The following ACSL6 variants were observed in gnomAD, a reference collection of about 807,000 sequenced individuals.
ACSL6 encodes the protein acyl-CoA synthetase long chain family member 6.
Under a neutral mutation model 98.2 loss-of-function variants are expected in ACSL6, and 47 were observed. That is an observed-to-expected ratio of 0.48 (90% CI 0.38 to 0.61). The LOEUF is 0.61. Ranked by LOEUF, ACSL6 falls within the 20% of genes least tolerant of loss-of-function variation. The pLI is 0.00. For missense variants in ACSL6, 761 were observed against 913.4 expected (o/e 0.83, Z 2.15); for synonymous variants, 362 against 336.9 (o/e 1.07, Z -0.82).
rs187061123 is a variant in ACSL6 at position 132,005,807 on chromosome 5, G to C, written c.49+5698C>G. Reference sequence around the variant, plus strand: ...CTTGGAATCCACATCCTGCACTGGTGGGCCAGGCTGTGCTGAGAGTGAGGC... The same window carrying C: ...CTTGGAATCCACATCCTGCACTGGTCGGCCAGGCTGTGCTGAGAGTGAGGC... On this transcript the variant is annotated intron_variant, in intron 1 of 20. Coordinates refer to ENST00000651883, the MANE Select transcript of ACSL6 (RefSeq NM_001009185.3). Among the ~76,000 whole-genome samples the C allele has an allele frequency of 5.3e-5, 8 of 152,332 alleles. No homozygotes were observed. The East Asian group carries it at 1.5e-3, about 29-fold the overall frequency.
intron 16 of ACSL6, 139 bp from the exon 17 acceptor site, chr5:131,966,671 G>A: frequency 1.3e-6 from 1 of 754,384 alleles, no homozygotes; most frequent in South Asian, 1.6e-5. Context: ...GGAAACAGAG[G>A]ACAAGGAACA....
intron 3 of ACSL6, 56 bp downstream of exon 3, chr5:131,990,797 C>T (rs930375819): frequency 2.0e-6 from 3 of 1,535,892 alleles, no homozygotes; most frequent in African/African-American, 1.4e-5. Flanking sequence ...CACCCTTGCA[C>T]CCACTCCACC....
At chr5:132,010,424 G>C (rs1410776269) in intron 1 of ACSL6, among the ~76,000 whole-genome samples, 2 of 152,190 alleles carry the variant, frequency 1.3e-5, no homozygotes, top group Non-Finnish European at 2.9e-5. Context: ...TAAAAAAAGG[G>C]ATGGTGCCAC....
chr5:131,990,734 C>T (rs956087423), intron 3 of ACSL6, 119 bp downstream of exon 3: 17 of 885,406 alleles, frequency 1.9e-5, no homozygotes, highest in East Asian at 7.7e-5. Flanking sequence ...CTTCTCTCCA[C>T]TGAACCTGGG....
chr5:131,973,390 T>C lies in ACSL6; in HGVS notation c.1079A>G (p.Tyr360Cys). The change falls in exon 12 of 21, where the codon TAT (tyrosine) becomes TGT (cysteine). Residue 360 changes from tyrosine to cysteine, a missense_variant. Tyr to Cys is a radical substitution (Grantham distance 194). Transcript: ENST00000651883. ...GAAGCCAACACGCCCTCCGTGGCAA[T>C]AGACGACAGACTAGAAAGACAGGAC... Reference protein sequence around the residue: ...MFERVIQSVVYCHGGRVGFFQ... With the variant: ...MFERVIQSVVCCHGGRVGFFQ... 1.2e-6 allele frequency: 2 copies of C among 1,614,028 alleles called. No homozygotes were observed. Among genetic ancestry groups the C allele is most frequent in the South Asian group, 1.1e-5 (1 of 91,082 alleles).
intron 18 of ACSL6, among the ~76,000 whole-genome samples, chr5:131,961,567 G>A (rs892527822): frequency 6.6e-6 from 1 of 151,614 alleles, no homozygotes; most frequent in African/African-American, 2.4e-5. Flanking sequence ...TGTGGTGGTG[G>A]GCGCCTGTAG....
At chr5:131,993,888 C>A in intron 2 of ACSL6, 143 bp downstream of exon 2, 1 of 810,122 alleles carries the variant, frequency 1.2e-6, no homozygotes, top group Non-Finnish European at 1.9e-6. Context: ...AAGGCTGCTG[C>A]AGAGCTAAGT....
chr5:131,959,219 A>G (rs1752573901), intron 20 of ACSL6, among the ~76,000 whole-genome samples: 1 of 152,210 alleles, frequency 6.6e-6, no homozygotes, highest in Admixed American at 6.5e-5. Flanking sequence ...TAAAAATAAG[A>G]TAGGACTGTC....
At chr5:131,989,344 AT>A in intron 5 of ACSL6, 62 bp downstream of exon 5, 1 of 1,480,990 alleles carries the variant, frequency 6.8e-7, no homozygotes, top group Non-Finnish European at 9.4e-7. Context: ...AAGCAGGACT[AT>A]TCCATGGCAG....
At chr5:131,990,356 G>A (rs1453259183) in intron 3 of ACSL6, among the ~76,000 whole-genome samples, 192 bp from the exon 4 acceptor site, 1 of 152,214 alleles carries the variant, frequency 6.6e-6, no homozygotes, top group Non-Finnish European at 1.5e-5. Flanking sequence ...ACATAAGTAT[G>A]GCATCATCCC....
intron 20 of ACSL6, among the ~76,000 whole-genome samples, chr5:131,954,991 A>G (rs182043659): frequency 1.6e-3 from 245 of 152,288 alleles, no homozygotes; most frequent in Admixed American, 4.4e-3. Context: ...AAAGTGGTAG[A>G]TGAGCCATTT....
In ACSL6 at chr5:131,985,391, G is replaced by C. The variant is rs768148592; in HGVS notation, c.916+16C>G. ...TGCAGGTAGCCATGGCTGGGGATCT[G>C]CGTGCCTCTGCTTACCTGTCGTGCC... On this transcript the variant is annotated intron_variant, in intron 9 of 20. Transcript: ENST00000651883. 1.2e-6 allele frequency: 2 copies of C among 1,614,024 alleles called. No homozygotes were observed. The highest frequency in any genetic ancestry group is 4.5e-5 in the East Asian group (2 of 44,884).
Position 131,966,434 on chromosome 5 carries a change from G to A in ACSL6, c.1695C>T (p.Asp565=). The change falls in exon 17 of 21, where the codon GAC becomes GAT. Residue 565 remains aspartate, a synonymous_variant. Transcript: ENST00000651883. ...LDSDGWLHTG[D]IGKWLPAGTL... ...TACACACCGGCAGCCATTTTCCGATGTCTCCAGTGTGAAGCCAGCCATCGC... is the reference window on the plus strand; with the variant it reads ...TACACACCGGCAGCCATTTTCCGATATCTCCAGTGTGAAGCCAGCCATCGC... The A allele has an allele frequency of 6.2e-7, 1 of 1,614,144 alleles. No homozygotes were observed. Among genetic ancestry groups the A allele is most frequent in the Non-Finnish European group, 8.5e-7 (1 of 1,180,014 alleles).
At chr5:131,970,313 A>C in intron 14 of ACSL6, 113 bp from the exon 15 acceptor site, 1 of 864,162 alleles carries the variant, frequency 1.2e-6, no homozygotes, top group Non-Finnish European at 1.9e-6. Context: ...CTTCATGATC[A>C]GGGCGATGGA....
intron 17 of ACSL6, among the ~76,000 whole-genome samples, chr5:131,966,069 C>T (rs1246508923): frequency 1.3e-5 from 2 of 152,190 alleles, no homozygotes; most frequent in South Asian, 4.1e-4. Context: ...GCAGGCCTTG[C>T]CCTTCTCAGA....
intron 20 of ACSL6, among the ~76,000 whole-genome samples, chr5:131,954,695 A>T (rs1752307110): frequency 1.3e-5 from 2 of 152,154 alleles, no homozygotes; most frequent in South Asian, 4.1e-4. Context: ...ACAGAGAAAC[A>T]CTGGGCAATT....
At chr5:131,973,433 T>G in intron 11 of ACSL6, 33 bp from the exon 12 acceptor site, 2 of 1,609,224 alleles carry the variant, frequency 1.2e-6, no homozygotes, top group Non-Finnish European at 1.7e-6. Context: ...GAGGAGTCCC[T>G]TAGGGTGGTC....
Position 131,966,351 on chromosome 5 carries a change from T to A in ACSL6, c.1713+65A>T, listed in dbSNP as rs1753010558. 3 of 1,505,168 alleles carry A rather than the reference T, an allele frequency of 2.0e-6. No individual in the cohort carries two copies. In the Admixed American group the frequency reaches 5.0e-5, roughly 25 times the overall value. 93.2% of individuals were successfully genotyped at this position (1,505,168 alleles called of 1,614,324 possible). A position where few individuals can be genotyped will look rare whatever the true frequency, so the allele number is the denominator to read the frequency against. ...GATTTGGAGAAGACTCCTGCCTCAG[T>A]GACCCGGACCACACACCCTCCCACT... On this transcript the variant is annotated intron_variant, in intron 17 of 20. Transcript: ENST00000651883.
rs370239492 is a variant in ACSL6 at position 131,974,870 on chromosome 5, G to A, written c.1068+23C>T. Reference sequence around the variant, plus strand: ...AAAAGAAGGAGCCCAGGCAAGGCCCGGTCAGTCAGGTGGGTGTCTTACCTG... The same window carrying A: ...AAAAGAAGGAGCCCAGGCAAGGCCCAGTCAGTCAGGTGGGTGTCTTACCTG... On this transcript the variant is annotated intron_variant, in intron 11 of 20. Transcript: ENST00000651883. 58 of 1,613,912 alleles carry A rather than the reference G, an allele frequency of 3.6e-5. No homozygotes were observed. In the African/African-American group the frequency reaches 4.0e-4, roughly 11 times the overall value.
Sources: gnomAD v4.1 joint callset for allele counts (sites outside exome capture counted in the v4.1 genomes callset) on GRCh38, gnomAD v4.1.1 for gene constraint, MANE v1.5 for transcripts, NCBI Gene and HGNC (gene_info 2026-07-23, HGNC 2026-07-21) for gene names.